GABRA3: variants seen among roughly 807,000 people sequenced by gnomAD.
GABRA3 encodes gamma-aminobutyric acid type A receptor subunit alpha3, also known as gamma-aminobutyric acid receptor subunit alpha-3.
GABRA3 carries 10 observed loss-of-function variants against 30.1 expected under a neutral mutation model. That is an observed-to-expected ratio of 0.33 (90% confidence interval 0.20 to 0.56). GABRA3 has a LOEUF of 0.56. Among genes scored for constraint, GABRA3 ranks in the 20% least tolerant of loss-of-function variants. The probability of loss-of-function intolerance (pLI) is 0.89; values close to 1 mark genes in which losing one functional copy is unlikely to be tolerated. For synonymous variants in GABRA3, 151 were observed against 146.8 expected (o/e 1.03, Z -0.21); for missense variants, 233 against 392.0 (o/e 0.59, Z 3.42).
chrX:152,284,526 G>A (rs1939255756), intron 4 of GABRA3, 142 bp downstream of exon 4: 3 of 373,876 alleles, frequency 8.0e-6, no homozygotes, highest in Non-Finnish European at 1.5e-5. Flanking sequence ...TTGGCTAAAC[G>A]TAGGGTGGCG....
chrX:152,235,685 C>T (rs961836547), intron 5 of GABRA3, among the ~76,000 whole-genome samples: 1 of 111,571 alleles, frequency 9.0e-6, no homozygotes, highest in African/African-American at 3.2e-5. Context: ...GATCTGTACA[C>T]TAAACGTTGA....
intron 3 of GABRA3, among the ~76,000 whole-genome samples, chrX:152,344,756 T>G (rs1316568639): frequency 6.3e-5 from 7 of 111,351 alleles, no homozygotes; most frequent in Non-Finnish European, 1.1e-4. Flanking sequence ...ATATGGAAGA[T>G]TTAATCAATG....
intron 3 of GABRA3, among the ~76,000 whole-genome samples, chrX:152,328,336 C>CT (rs1940101437): frequency 8.9e-6 from 1 of 111,846 alleles, no homozygotes; most frequent in Non-Finnish European, 1.9e-5. Flanking sequence ...GGAATCCTCT[C>CT]TAACTCATTT....
rs1274201214 is a variant in GABRA3, at chrX:152,342,586, G to T, written c.262+2995C>A. Among the ~76,000 whole-genome samples the T allele has an allele frequency of 4.5e-5, 5 of 110,775 alleles. No individual in the cohort carries two copies. The South Asian group carries it at 1.5e-3, about 34-fold the overall frequency. The stretch of plus-strand genomic sequence containing the variant: ...TTTCCTTGCATGCTTGGTAATTTTT[G>T]ACTGGAAACTTTTTTCCAGAAAATT... On this transcript the variant is annotated intron_variant, in intron 3 of 9. Transcript: ENST00000370314.
At chrX:152,341,120 A>G (rs1414363874) in intron 3 of GABRA3, among the ~76,000 whole-genome samples, 1 of 111,162 alleles carries the variant, frequency 9.0e-6, no homozygotes, top group African/African-American at 3.3e-5. Context: ...GTGAGAACAT[A>G]TAGTATTTGG....
chrX:152,279,869 A>G (rs1253634222), intron 4 of GABRA3, among the ~76,000 whole-genome samples: 2 of 111,020 alleles, frequency 1.8e-5, no homozygotes, highest in Non-Finnish European at 3.8e-5. Flanking sequence ...TTCTCTTTGA[A>G]GCAATTGTGA....
At chrX:152,204,327 C>T (rs1937515800) in intron 7 of GABRA3, among the ~76,000 whole-genome samples, 1 of 111,445 alleles carries the variant, frequency 9.0e-6, no homozygotes, top group Non-Finnish European at 1.9e-5. Context: ...ATTTTCTTTT[C>T]TTTCCTCCTT....
chrX:152,328,799 A>G (rs1388369766), intron 3 of GABRA3, among the ~76,000 whole-genome samples: 3 of 111,851 alleles, frequency 2.7e-5, no homozygotes, highest in African/African-American at 9.7e-5. Context: ...CAAGACAGGG[A>G]TGCCCTCTCT....
At chrX:152,181,324 T>C (rs1474552131) in intron 9 of GABRA3, among the ~76,000 whole-genome samples, 1 of 112,102 alleles carries the variant, frequency 8.9e-6, no homozygotes, top group Non-Finnish European at 1.9e-5. Context: ...TCTTGATTTC[T>C]TTTCCAGATA....
At chrX:152,318,042 G>A (rs1939905095) in intron 3 of GABRA3, among the ~76,000 whole-genome samples, 2 of 111,236 alleles carry the variant, frequency 1.8e-5, no homozygotes, top group South Asian at 7.4e-4. Context: ...TCTTTGAACA[G>A]ATACACAAAA....
chrX:152,232,360 C>A (rs971647430), intron 5 of GABRA3, among the ~76,000 whole-genome samples: 20 of 109,576 alleles, frequency 1.8e-4, no homozygotes, highest in African/African-American at 6.6e-4. Flanking sequence ...GTAACTATCA[C>A]CCGAATAATG....
At chrX:152,363,853 G>A (rs192870657) in intron 2 of GABRA3, among the ~76,000 whole-genome samples, 107 of 111,921 alleles carry the variant, frequency 9.6e-4, no homozygotes, top group African/African-American at 3.3e-3. Flanking sequence ...ATATTGGAAC[G>A]TAAGAACAGA....
At chrX:152,259,454 C>T (rs1044903975) in intron 4 of GABRA3, among the ~76,000 whole-genome samples, 3 of 111,354 alleles carry the variant, frequency 2.7e-5, no homozygotes, top group Non-Finnish European at 5.7e-5. Flanking sequence ...CTGCACAGCT[C>T]GCAGCTCCAA....
In GABRA3 at chrX:152,263,672, A is replaced by T. The variant is rs185775364; in HGVS notation, c.331-7674T>A. 4.1e-4 allele frequency among the ~76,000 whole-genome samples: 46 copies of T among 111,823 alleles called. No homozygotes were observed. In the East Asian group the frequency reaches 0.011, roughly 27 times the overall value. ...AGAGGTAGAAAATTTATTGAAAGGG[A>T]CAATAAAAGAGAATATTCCAAACCC... is the stretch of plus-strand genomic sequence containing the variant. On this transcript the variant is annotated intron_variant, in intron 4 of 9. Transcript: ENST00000370314.
At chrX:152,304,890 G>C (rs76477214) in intron 3 of GABRA3, among the ~76,000 whole-genome samples, 1 of 111,106 alleles carries the variant, frequency 9.0e-6, no homozygotes, top group African/African-American at 3.3e-5. Context: ...TCTGTAGATT[G>C]CTTTGGGCAG....
rs769155844 is a variant in GABRA3, at chrX:152,319,282, CA to C, written c.262+26298del. 2.6e-3 allele frequency among the ~76,000 whole-genome samples: 285 copies of C among 111,589 alleles called. 1 individual carries two copies. Among genetic ancestry groups the C allele is most frequent in the African/African-American group, 8.9e-3 (274 of 30,729 alleles). ...CCCACATAGCCAAAGCAAGGCTAAG[CA>C]AAAAGAACAAATCTGGTGGCATCAC... is the stretch of plus-strand genomic sequence containing the variant. On this transcript the variant is annotated intron_variant, in intron 3 of 9. Transcript: ENST00000370314.
chrX:152,380,465 G>T (rs1203454469), intron 1 of GABRA3, among the ~76,000 whole-genome samples: 2 of 112,068 alleles, frequency 1.8e-5, no homozygotes, highest in African/African-American at 6.5e-5. Flanking sequence ...ATTCCATTGT[G>T]TATATATACC....
At chrX:152,254,461 T>G in intron 5 of GABRA3, among the ~76,000 whole-genome samples, 1 of 110,622 alleles carries the variant, frequency 9.0e-6, no homozygotes, top group South Asian at 3.9e-4. Flanking sequence ...CATGCCTCTA[T>G]GTACTCTGTG....
chrX:152,261,578 T>C (rs1603228252), intron 4 of GABRA3, among the ~76,000 whole-genome samples: 1 of 112,255 alleles, frequency 8.9e-6, no homozygotes, highest in Non-Finnish European at 1.9e-5. Context: ...AACCTTAAAG[T>C]TCCAAAATGA....
Sources: gnomAD v4.1 joint callset for allele counts (sites outside exome capture counted in the v4.1 genomes callset) on GRCh38, gnomAD v4.1.1 for gene constraint, MANE v1.5 for transcripts, NCBI Gene and HGNC (gene_info 2026-07-23, HGNC 2026-07-21) for gene names.